HTD2: variants seen among roughly 807,000 people sequenced by gnomAD.
The protein encoded by HTD2 is hydroxyacyl-thioester dehydratase type 2, mitochondrial.
A neutral mutation model predicts 3.1 loss-of-function variants in HTD2; 1 was observed. The ratio of observed to expected loss-of-function variants is 0.32; its 90% CI spans 0.11 to 1.52. The LOEUF is 1.52. Among genes scored for constraint, HTD2 ranks in the 40% most tolerant of loss-of-function variants. The probability of loss-of-function intolerance (pLI) is 0.39; values close to 1 mark genes in which losing one functional copy is unlikely to be tolerated. For missense variants in HTD2, 150 were observed against 79.6 expected (o/e 1.88, Z -3.36); for synonymous variants, 50 against 28.9 (o/e 1.73, Z -2.34).
rs1265336196 is a variant in HTD2, at chr3:58,316,606, G to A, written c.-254+15G>A. Reference sequence around the variant, plus strand: ...ATATGTAGCAGGTATGACAGAGAGTGGGAAATTTCTAGTATAACAGGGCAG... The same window carrying A: ...ATATGTAGCAGGTATGACAGAGAGTAGGAAATTTCTAGTATAACAGGGCAG... On this transcript the variant is annotated intron_variant, in intron 3 of 4. Transcript: ENST00000461393. 7 of 1,606,580 alleles carry A rather than the reference G, an allele frequency of 4.4e-6. No homozygotes were observed. In the East Asian group the frequency reaches 6.7e-5, roughly 15 times the overall value.
chr3:58,310,846 C>A (rs1347136043), intron 2 of HTD2, among the ~76,000 whole-genome samples: 5 of 151,514 alleles, frequency 3.3e-5, no homozygotes, highest in African/African-American at 1.2e-4. Flanking sequence ...AGGATAATTG[C>A]TTGAACCCGG....
Position 58,310,823 on chromosome 3 carries a change from G to A in HTD2, c.-331+232G>A, listed in dbSNP as rs547888820. ...CAGGCACCTGTAATCCCAGCTACTC[G>A]GGAGGCTGAGGCAGGATAATTGCTT... On this transcript the variant is annotated intron_variant, in intron 2 of 4. Coordinates refer to ENST00000461393, the MANE Select transcript of HTD2 (RefSeq NM_001348712.2). Among the ~76,000 whole-genome samples the A allele has an allele frequency of 9.2e-5, 14 of 151,686 alleles. No individual in the cohort carries two copies. In the East Asian group the frequency reaches 1.8e-3, roughly 19 times the overall value.
rs530170082 is a variant in HTD2 at position 58,311,351 on chromosome 3, C to T, written c.-331+760C>T. ...TGTATTTTTACTAGAGACAGGGTTT[C>T]GTCATGTTGGCCAGGCTGGTCTTGA... is the stretch of plus-strand genomic sequence containing the variant. On this transcript the variant is annotated intron_variant, in intron 2 of 4. Transcript: ENST00000461393. Among the ~76,000 whole-genome samples the T allele has an allele frequency of 2.0e-5, 3 of 152,280 alleles. No individual in the cohort carries two copies. In the East Asian group the frequency reaches 5.8e-4, roughly 29 times the overall value.
chr3:58,318,234 T>G lies in HTD2; in HGVS notation c.*114T>G. 1 of 583,094 alleles carries G rather than the reference T, an allele frequency of 1.7e-6. No individual in the cohort carries two copies. Among genetic ancestry groups the G allele is most frequent in the Non-Finnish European group, 3.0e-6 (1 of 332,346 alleles). The allele number at this position is 583,094 out of a possible 1,614,324, so 36.1% of individuals were successfully genotyped here. A position where few individuals can be genotyped will look rare whatever the true frequency, so the allele number is the denominator to read the frequency against. On this transcript the variant is annotated 3_prime_UTR_variant, in exon 5 of 5. Transcript: ENST00000461393. Reference sequence around the variant, plus strand: ...GATAGGCCCAGAAGCCCATCTTAGTTAGGGGAAGGGAGCAGGAAGAGGGTT... The same window carrying G: ...GATAGGCCCAGAAGCCCATCTTAGTGAGGGGAAGGGAGCAGGAAGAGGGTT...
Position 58,317,589 on chromosome 3 carries a change from T to A in HTD2, c.-25T>A. On this transcript the variant is annotated 5_prime_UTR_variant, in exon 5 of 5. In the 5' UTR this introduces an upstream ATG that the reference lacks. Transcript: ENST00000461393. ...GAAGACTGAAGCAGGCTAAAAGCTC[T>A]TGATGAAATTTGAGGGTGCTGAAGA... is the stretch of plus-strand genomic sequence containing the variant. The A allele has an allele frequency of 2.3e-6, 2 of 873,124 alleles. No homozygotes were observed. Among genetic ancestry groups the A allele is most frequent in the Non-Finnish European group, 3.8e-6 (2 of 530,374 alleles). 54.1% of individuals were successfully genotyped at this position (873,124 alleles called of 1,614,324 possible). A position where few individuals can be genotyped will look rare whatever the true frequency, so the allele number is the denominator to read the frequency against.
At position 58,317,600 on chromosome 3, in the gene HTD2, T is replaced by C; in HGVS notation, c.-14T>C. 1 of 822,642 alleles carries C rather than the reference T, an allele frequency of 1.2e-6. No homozygotes were observed. The highest frequency in any genetic ancestry group is 2.5e-5 in the East Asian group (1 of 40,162). The allele number at this position is 822,642 out of a possible 1,614,324, so 51.0% of individuals were successfully genotyped here. Reference sequence around the variant, plus strand: ...CAGGCTAAAAGCTCTTGATGAAATTTGAGGGTGCTGAAGATGTTCCCACTA... The same window carrying C: ...CAGGCTAAAAGCTCTTGATGAAATTCGAGGGTGCTGAAGATGTTCCCACTA... On this transcript the variant is annotated 5_prime_UTR_variant, in exon 5 of 5. Transcript: ENST00000461393.
At chr3:58,309,966 G>A (rs2097480336) in intron 1 of HTD2, 1 of 206,180 alleles carries the variant, frequency 4.9e-6, no homozygotes, top group African/African-American at 2.3e-5. Context: ...TTGGGAGGCT[G>A]AGTTGGGCAA....
chr3:58,317,232 T>A (rs1043262858), intron 4 of HTD2, among the ~76,000 whole-genome samples: 5 of 152,266 alleles, frequency 3.3e-5, no homozygotes, highest in African/African-American at 1.2e-4. Flanking sequence ...TTACTTTTTT[T>A]ATTTAACACT....
At chr3:58,314,797 G>T (rs2097486603) in intron 2 of HTD2, among the ~76,000 whole-genome samples, 1 of 145,672 alleles carries the variant, frequency 6.9e-6, no homozygotes, top group Admixed American at 7.4e-5. Context: ...CGATTCTCCT[G>T]TCTCAGCCTC....
intron 1 of HTD2, 96 bp from the exon 2 acceptor site, chr3:58,310,411 G>A (rs1476218023): frequency 1.2e-6 from 2 of 1,613,440 alleles, no homozygotes; most frequent in East Asian, 2.2e-5. Flanking sequence ...CTGCCTGTAA[G>A]TTTAGTTTCC....
chr3:58,310,518 AT>A lies in HTD2; in HGVS notation c.-402del. 4 of 1,609,654 alleles carry A rather than the reference AT, an allele frequency of 2.5e-6. No homozygotes were observed. Among genetic ancestry groups the A allele is most frequent in the Non-Finnish European group, 3.4e-6 (4 of 1,178,792 alleles). Reference sequence around the variant, plus strand: ...TTCACTTTTTTTAGAGAATTTCAAGATTGTGGAGTTGGACTGAATGCTGCAC... The same window carrying A: ...TTCACTTTTTTTAGAGAATTTCAAGATGTGGAGTTGGACTGAATGCTGCAC... On this transcript the variant is annotated 5_prime_UTR_variant, in exon 2 of 5. In the 5' UTR this introduces an upstream ATG that the reference lacks. Coordinates refer to ENST00000461393, the MANE Select transcript of HTD2 (RefSeq NM_001348712.2).
chr3:58,314,348 C>CTT (rs2097485898), intron 2 of HTD2, among the ~76,000 whole-genome samples: 1 of 151,830 alleles, frequency 6.6e-6, no homozygotes, highest in South Asian at 2.1e-4. Flanking sequence ...GAGACTCTGT[C>CTT]TCAAAAAAAT....
chr3:58,306,815 C>G (rs1476773526), intron 1 of HTD2, among the ~76,000 whole-genome samples, 164 bp downstream of exon 1: 1 of 151,928 alleles, frequency 6.6e-6, no homozygotes, highest in Non-Finnish European at 1.5e-5. Context: ...CAGCAGTGAA[C>G]AAGATAGCAA....
intron 2 of HTD2, among the ~76,000 whole-genome samples, chr3:58,314,035 A>AAC (rs2107505980): frequency 6.6e-6 from 1 of 152,298 alleles, no homozygotes; most frequent in South Asian, 2.1e-4. Flanking sequence ...CAGCCTGGTC[A>AAC]ACAGAACAAG....
chr3:58,307,136 G>T (rs1354523092), intron 1 of HTD2, among the ~76,000 whole-genome samples: 2 of 152,222 alleles, frequency 1.3e-5, no homozygotes, highest in African/African-American at 4.8e-5. Context: ...GCTAGGCTAG[G>T]CCTGTGTGGT....
chr3:58,307,445 C>T (rs1438551953), intron 1 of HTD2, among the ~76,000 whole-genome samples: 2 of 152,208 alleles, frequency 1.3e-5, no homozygotes, highest in African/African-American at 2.4e-5. Flanking sequence ...GACTCTAGGC[C>T]GGGCGCGGTG....
At chr3:58,309,392 T>A (rs2097479594) in intron 1 of HTD2, among the ~76,000 whole-genome samples, 1 of 152,202 alleles carries the variant, frequency 6.6e-6, no homozygotes, top group African/African-American at 2.4e-5. Flanking sequence ...CTCAGGAGCA[T>A]TTTGAAGACA....
intron 2 of HTD2, among the ~76,000 whole-genome samples, chr3:58,314,952 T>C (rs1352505951): frequency 6.6e-6 from 1 of 152,132 alleles, no homozygotes; most frequent in Admixed American, 6.6e-5. Flanking sequence ...CCCAAAGTGC[T>C]GGGATTACAG....
In HTD2 at chr3:58,319,200, G is replaced by A. The variant is rs779171993; in HGVS notation, c.*1080G>A. The A allele has an allele frequency of 6.6e-6, 1 of 152,166 alleles. No individual in the cohort carries two copies. Among genetic ancestry groups the A allele is most frequent in the Non-Finnish European group, 1.5e-5 (1 of 68,028 alleles). The allele number at this position is 152,166 out of a possible 1,614,324, so 9.4% of individuals were successfully genotyped here. On this transcript the variant is annotated 3_prime_UTR_variant, in exon 5 of 5. Transcript: ENST00000461393. Reference sequence around the variant, plus strand: ...ATTTTTAGACTGTTCTTCAGTATCTGAGTCAGAGTTTATTGTAATTTGTTA... The same window carrying A: ...ATTTTTAGACTGTTCTTCAGTATCTAAGTCAGAGTTTATTGTAATTTGTTA...
Sources: allele counts gnomAD v4.1 joint callset (sites outside exome capture counted in the v4.1 genomes callset), GRCh38; gene constraint gnomAD v4.1.1; transcripts MANE v1.5; gene names NCBI Gene and HGNC (gene_info 2026-07-23, HGNC 2026-07-21).